The following CDH10 variants were observed in gnomAD, a reference collection of about 807,000 sequenced individuals.
CDH10 encodes cadherin 10.
CDH10 carries 30 observed loss-of-function variants against 73.1 expected under a neutral mutation model. The observed-to-expected ratio is 0.41, with a 90% CI of 0.31 to 0.56. CDH10 has a LOEUF of 0.56. Among genes scored for constraint, CDH10 ranks in the 20% least tolerant of loss-of-function variants. The pLI is 0.27. For synonymous variants in CDH10, 345 were observed against 348.2 expected (o/e 0.99, Z 0.10); for missense variants, 815 against 973.7 (o/e 0.84, Z 2.17).
chr5:24,515,840 T>C (rs972730442), intron 5 of CDH10, among the ~76,000 whole-genome samples: 1 of 152,150 alleles, frequency 6.6e-6, no homozygotes, highest in Non-Finnish European at 1.5e-5. Flanking sequence ...AGCGGGTCTT[T>C]CCAATCCTGT....
intron 1 of CDH10, among the ~76,000 whole-genome samples, chr5:24,628,906 C>G (rs1449573998): frequency 6.7e-6 from 1 of 149,682 alleles, no homozygotes; most frequent in East Asian, 2.0e-4. Flanking sequence ...TTTTCCAAGC[C>G]AAGCATTACT....
At chr5:24,515,058 G>C (rs187978936) in intron 5 of CDH10, among the ~76,000 whole-genome samples, 136 of 152,050 alleles carry the variant, frequency 8.9e-4, no homozygotes, top group African/African-American at 3.2e-3. Context: ...GGTTAACACA[G>C]AAAAGATAAA....
intron 2 of CDH10, among the ~76,000 whole-genome samples, chr5:24,555,661 C>T (rs1333852043): frequency 1.3e-5 from 2 of 152,060 alleles, no homozygotes; most frequent in Non-Finnish European, 2.9e-5. Context: ...GGAATGTATG[C>T]AAACTTCATC....
At chr5:24,634,920 C>T (rs1223456048) in intron 1 of CDH10, among the ~76,000 whole-genome samples, 6 of 151,190 alleles carry the variant, frequency 4.0e-5, no homozygotes, top group African/African-American at 1.5e-4. Context: ...TTTATGACCT[C>T]AATGTATGTT....
chr5:24,535,930 T>A (rs1579774530), intron 3 of CDH10, 108 bp from the exon 4 acceptor site: 1 of 657,188 alleles, frequency 1.5e-6, no homozygotes, highest in Non-Finnish European at 2.4e-6. Flanking sequence ...CATGACCTCT[T>A]AAAGAAACTT....
intron 2 of CDH10, among the ~76,000 whole-genome samples, chr5:24,547,249 C>G (rs1401781323): frequency 1.3e-5 from 2 of 152,094 alleles, no homozygotes; most frequent in Non-Finnish European, 2.9e-5. Context: ...AGGTAAGCAA[C>G]AGCAGGCCAA....
intron 2 of CDH10, among the ~76,000 whole-genome samples, chr5:24,539,289 C>T (rs1423135940): frequency 6.6e-6 from 1 of 151,946 alleles, no homozygotes; most frequent in Non-Finnish European, 1.5e-5. Context: ...GAATTTTAAA[C>T]TAATTACGTC....
chr5:24,537,146 T>C (rs958351527), intron 3 of CDH10, among the ~76,000 whole-genome samples: 7 of 151,934 alleles, frequency 4.6e-5, no homozygotes, highest in African/African-American at 1.7e-4. Context: ...ATTTTCTTGA[T>C]TTTTGAGGAG....
At chr5:24,518,729 G>T (rs925724632) in intron 5 of CDH10, among the ~76,000 whole-genome samples, 1 of 151,770 alleles carries the variant, frequency 6.6e-6, no homozygotes, top group African/African-American at 2.4e-5. Flanking sequence ...TCAACATAAT[G>T]CTTGCACTCA....
chr5:24,524,224 A>G (rs1053004739), intron 5 of CDH10, among the ~76,000 whole-genome samples: 1 of 152,168 alleles, frequency 6.6e-6, no homozygotes, highest in Non-Finnish European at 1.5e-5. Flanking sequence ...GTGAATTTCT[A>G]TATTTTAAAT....
chr5:24,559,464 TCAA>T (rs1335173747), intron 2 of CDH10, among the ~76,000 whole-genome samples: 1 of 152,040 alleles, frequency 6.6e-6, no homozygotes. Context: ...TAATATCCAA[TCAA>T]CAACACTTCC....
intron 2 of CDH10, among the ~76,000 whole-genome samples, chr5:24,540,482 T>A (rs568179038): frequency 6.6e-5 from 10 of 151,998 alleles, no homozygotes; most frequent in African/African-American, 2.2e-4. Context: ...GAAAATTAAA[T>A]CTTATAATTG....
intron 5 of CDH10, among the ~76,000 whole-genome samples, chr5:24,516,309 G>A (rs993984658): frequency 6.6e-5 from 10 of 151,964 alleles, no homozygotes; most frequent in African/African-American, 9.7e-5. Flanking sequence ...CAGTTTTCTC[G>A]TTTGTTAAGT....
At chr5:24,603,211 G>A (rs1746629571) in intron 1 of CDH10, among the ~76,000 whole-genome samples, 1 of 152,116 alleles carries the variant, frequency 6.6e-6, no homozygotes, top group South Asian at 2.1e-4. Context: ...ATCAGCTTTA[G>A]TTGTAAAGAC....
chr5:24,615,939 A>C (rs1274917051), intron 1 of CDH10, among the ~76,000 whole-genome samples: 1 of 152,154 alleles, frequency 6.6e-6, no homozygotes, highest in Non-Finnish European at 1.5e-5. Flanking sequence ...ATAGTGTTTT[A>C]GTGTTTTTCA....
chr5:24,506,180 T>C (rs185709959), intron 7 of CDH10, among the ~76,000 whole-genome samples: 10 of 151,914 alleles, frequency 6.6e-5, no homozygotes, highest in African/African-American at 2.4e-4. Context: ...TATATCTGTG[T>C]TTTTAATATA....
intron 1 of CDH10, among the ~76,000 whole-genome samples, chr5:24,600,100 T>A (rs922574524): frequency 6.6e-6 from 1 of 152,216 alleles, no homozygotes; most frequent in Admixed American, 6.5e-5. Context: ...ACTTACATTG[T>A]AGTTTTCAAC....
At chr5:24,545,717 G>T (rs1744314770) in intron 2 of CDH10, among the ~76,000 whole-genome samples, 1 of 151,730 alleles carries the variant, frequency 6.6e-6, no homozygotes, top group African/African-American at 2.4e-5. Flanking sequence ...ACTCAACTGG[G>T]ACTCATAGGC....
chr5:24,600,549 G>T (rs879715818), intron 1 of CDH10, among the ~76,000 whole-genome samples: 2 of 152,076 alleles, frequency 1.3e-5, no homozygotes, highest in Non-Finnish European at 2.9e-5. Flanking sequence ...CTTTTTGGAG[G>T]AAACCACATC....
Sources: allele counts gnomAD v4.1 joint callset (sites outside exome capture counted in the v4.1 genomes callset), GRCh38; gene constraint gnomAD v4.1.1; transcripts MANE v1.5; gene names NCBI Gene and HGNC (gene_info 2026-07-23, HGNC 2026-07-21).